RSRC1: variants seen among roughly 807,000 people sequenced by gnomAD.
The protein encoded by RSRC1 is serine/Arginine-related protein 53.
A neutral mutation model predicts 49.1 loss-of-function variants in RSRC1; 39 were observed. The observed-to-expected ratio is 0.79, with a 90% CI of 0.61 to 1.04. The LOEUF (loss-of-function observed/expected upper bound fraction) is 1.04. RSRC1 is among the 50% of genes least tolerant of loss of function. The probability of loss-of-function intolerance (pLI) is 0.00; values close to 1 mark genes in which losing one functional copy is unlikely to be tolerated. For synonymous variants in RSRC1, 143 were observed against 130.8 expected (o/e 1.09, Z -0.63); for missense variants, 388 against 402.4 (o/e 0.96, Z 0.31).
intron 6 of RSRC1, among the ~76,000 whole-genome samples, chr3:158,455,895 G>A (rs995324528): frequency 2.2e-5 from 3 of 139,530 alleles, no homozygotes; most frequent in African/African-American, 5.1e-5. Flanking sequence ...CAGGAGAATC[G>A]CTTGAACCCA....
Position 158,353,113 on chromosome 3 carries a change from A to G in RSRC1, c.532-1744A>G, listed in dbSNP as rs142294811. On this transcript the variant is annotated intron_variant, in intron 5 of 9. Transcript: ENST00000611884. Reference sequence around the variant, plus strand: ...TCAGTCCTTTTGTTTTACCAATTAAATATTTCTCAAATCTGTGTTGTCCTG... The same window carrying G: ...TCAGTCCTTTTGTTTTACCAATTAAGTATTTCTCAAATCTGTGTTGTCCTG... Among the ~76,000 whole-genome samples the G allele has an allele frequency of 3.4e-4, 52 of 152,264 alleles. No homozygotes were observed. The East Asian group carries it at 7.2e-3, about 21-fold the overall frequency.
chr3:158,286,122 G>C (rs1018444534), intron 4 of RSRC1, among the ~76,000 whole-genome samples: 1 of 152,202 alleles, frequency 6.6e-6, no homozygotes, highest in Non-Finnish European at 1.5e-5. Context: ...ACCAGGTTCA[G>C]CTAGTGTTTA....
At chr3:158,464,122 C>T (rs1439414787) in intron 7 of RSRC1, among the ~76,000 whole-genome samples, 1 of 152,064 alleles carries the variant, frequency 6.6e-6, no homozygotes, top group Non-Finnish European at 1.5e-5. Flanking sequence ...AATTGACTTA[C>T]TCTTTTTCTC....
chr3:158,280,962 T>C (rs904438758), intron 4 of RSRC1, among the ~76,000 whole-genome samples: 10 of 152,150 alleles, frequency 6.6e-5, no homozygotes, highest in Non-Finnish European at 1.0e-4. Flanking sequence ...TGATTCATTT[T>C]TATAAGATTA....
intron 7 of RSRC1, among the ~76,000 whole-genome samples, chr3:158,518,450 A>ATT (rs141852640): frequency 1.0e-4 from 15 of 149,846 alleles, no homozygotes; most frequent in Admixed American, 2.0e-4. Flanking sequence ...TGGGTCATAG[A>ATT]TTTTCTTTTA....
At chr3:158,292,234 A>T (rs182506923) in intron 4 of RSRC1, among the ~76,000 whole-genome samples, 1 of 152,290 alleles carries the variant, frequency 6.6e-6, no homozygotes, top group East Asian at 1.9e-4. Context: ...AGCCTGTGAC[A>T]CTTTTTCAAT....
At chr3:158,116,133 T>C (rs182884459) in intron 1 of RSRC1, among the ~76,000 whole-genome samples, 4 of 152,334 alleles carry the variant, frequency 2.6e-5, no homozygotes, top group Admixed American at 2.6e-4. Context: ...TTTTAAGTAT[T>C]CAGAAGCTAT....
intron 5 of RSRC1, among the ~76,000 whole-genome samples, chr3:158,353,475 A>G (rs1327963954): frequency 1.3e-5 from 2 of 152,254 alleles, no homozygotes. Flanking sequence ...CAAATGGCAT[A>G]GCCTATATCC....
intron 4 of RSRC1, among the ~76,000 whole-genome samples, chr3:158,229,750 C>G (rs186499548): frequency 2.8e-5 from 4 of 142,894 alleles, no homozygotes; most frequent in Non-Finnish European, 1.5e-5. Flanking sequence ...ACATTTTGCC[C>G]CATTTGCTTT....
chr3:158,290,363 C>G (rs1461597475), intron 4 of RSRC1, among the ~76,000 whole-genome samples: 2 of 152,080 alleles, frequency 1.3e-5, no homozygotes, highest in African/African-American at 4.8e-5. Context: ...AGCTCCGCCT[C>G]CCAGGTTCAC....
intron 5 of RSRC1, among the ~76,000 whole-genome samples, chr3:158,300,858 A>G (rs1344597144): frequency 6.6e-6 from 1 of 152,162 alleles, no homozygotes; most frequent in African/African-American, 2.4e-5. Context: ...CGCTTGTTAT[A>G]CTTGCTACCA....
intron 4 of RSRC1, among the ~76,000 whole-genome samples, chr3:158,220,508 G>A (rs532704114): frequency 3.4e-4 from 52 of 151,536 alleles, no homozygotes; most frequent in Admixed American, 3.4e-3. Flanking sequence ...TAATTCTTTC[G>A]GGTGCTATTA....
At chr3:158,474,340 G>C (rs1188485044) in intron 7 of RSRC1, among the ~76,000 whole-genome samples, 1 of 152,286 alleles carries the variant, frequency 6.6e-6, no homozygotes, top group East Asian at 1.9e-4. Flanking sequence ...AAAAACCAAT[G>C]TACATACCTT....
chr3:158,461,946 A>G (rs1737636992), intron 7 of RSRC1, among the ~76,000 whole-genome samples: 1 of 150,746 alleles, frequency 6.6e-6, no homozygotes, highest in Admixed American at 6.7e-5. Flanking sequence ...AACCCAAAGT[A>G]TAATGGTTTA....
At chr3:158,519,400 G>A (rs1387920911) in intron 7 of RSRC1, among the ~76,000 whole-genome samples, 12 of 151,948 alleles carry the variant, frequency 7.9e-5, no homozygotes, top group Non-Finnish European at 1.5e-4. Flanking sequence ...AGGGACCAGT[G>A]GCTAGTTCAG....
chr3:158,444,267 G>A (rs1187830526), intron 6 of RSRC1, among the ~76,000 whole-genome samples: 2 of 152,006 alleles, frequency 1.3e-5, no homozygotes, highest in East Asian at 1.9e-4. Context: ...ATACTACAAC[G>A]CTACAGTAAC....
At chr3:158,361,466 G>A (rs953239278) in intron 6 of RSRC1, among the ~76,000 whole-genome samples, 5 of 152,100 alleles carry the variant, frequency 3.3e-5, no homozygotes, top group Non-Finnish European at 5.9e-5. Context: ...TTGGGGACAC[G>A]GGACACAGGG....
chr3:158,150,475 A>G (rs940775801), intron 3 of RSRC1, among the ~76,000 whole-genome samples: 42 of 152,234 alleles, frequency 2.8e-4, no homozygotes, highest in Non-Finnish European at 5.4e-4. Context: ...TGTTCTAAAT[A>G]TAGTAATATT....
intron 4 of RSRC1, among the ~76,000 whole-genome samples, chr3:158,285,799 C>T (rs527840245): frequency 3.9e-4 from 60 of 152,256 alleles, no homozygotes; most frequent in African/African-American, 1.3e-3. Context: ...TGGGCTGAGA[C>T]AGTGGGGTTT....
Sources: gnomAD v4.1 joint callset for allele counts (sites outside exome capture counted in the v4.1 genomes callset) on GRCh38, gnomAD v4.1.1 for gene constraint, MANE v1.5 for transcripts, NCBI Gene and HGNC (gene_info 2026-07-23, HGNC 2026-07-21) for gene names.